NAXD: variants seen among roughly 807,000 people sequenced by gnomAD.
NAXD encodes NAD(P)HX dehydratase.
In NAXD, 22 loss-of-function variants were observed where a neutral mutation model predicts 35.8. The observed-to-expected ratio is 0.62, with a 90% confidence interval of 0.44 to 0.88. NAXD has a LOEUF of 0.88. NAXD is among the 40% of genes least tolerant of loss of function. The pLI is 0.00. For missense variants in NAXD, 428 were observed against 437.7 expected (o/e 0.98, Z 0.20); for synonymous variants, 189 against 177.6 (o/e 1.06, Z -0.51).
intron 1 of NAXD, 124 bp downstream of exon 1, chr13:110,615,771 G>T: frequency 7.2e-7 from 1 of 1,396,238 alleles, no homozygotes; most frequent in Non-Finnish European, 9.3e-7. Context: ...GCCACTGGAC[G>T]CAGGTACCCG....
intron 4 of NAXD, 107 bp from the exon 5 acceptor site, chr13:110,627,332 A>G (rs1171900973): frequency 1.7e-5 from 12 of 704,254 alleles, no homozygotes; most frequent in Non-Finnish European, 2.6e-5. Flanking sequence ...TTTAAAAGTC[A>G]TTACTATTTA....
At chr13:110,636,985 G>A (rs563465580) in intron 8 of NAXD, 144 bp from the exon 9 acceptor site, 10 of 900,356 alleles carry the variant, frequency 1.1e-5, no homozygotes, top group African/African-American at 5.2e-5. Context: ...GGGAAGAGCC[G>A]TAGCAGGCAG....
chr13:110,631,378 T>C (rs948000595), intron 5 of NAXD, among the ~76,000 whole-genome samples: 1 of 152,204 alleles, frequency 6.6e-6, no homozygotes, highest in African/African-American at 2.4e-5. Flanking sequence ...TTGTGCACTC[T>C]TTTGGGTGAA....
Position 110,638,849 on chromosome 13 carries a change from C to T in NAXD, c.*321C>T, listed in dbSNP as rs894268315. 6.6e-6 allele frequency: 3 copies of T among 457,114 alleles called. No individual in the cohort carries two copies. Among genetic ancestry groups the T allele is most frequent in the African/African-American group, 4.0e-5 (2 of 50,380 alleles). 28.3% of individuals were successfully genotyped at this position (457,114 alleles called of 1,614,324 possible). Reference sequence around the variant, plus strand: ...ATTCTTTAGCAGCTCAACAGAGTTTCTCGGCCTGCTCCCAGATCGGCGAAG... The same window carrying T: ...ATTCTTTAGCAGCTCAACAGAGTTTTTCGGCCTGCTCCCAGATCGGCGAAG... On this transcript the variant is annotated 3_prime_UTR_variant, in exon 10 of 10. Coordinates refer to ENST00000680254, the MANE Select transcript of NAXD (RefSeq NM_001242882.2). The surrounding 1 kb of genome is among the most constrained non-coding windows in gnomAD (Gnocchi z 5.4).
At position 110,627,457 on chromosome 13, in the gene NAXD, T is replaced by G. The variant is rs1325199052; in HGVS notation, c.351T>G (p.Val117=). The G allele has an allele frequency of 6.2e-7, 1 of 1,614,010 alleles. No homozygotes were observed. The highest frequency in any genetic ancestry group is 1.7e-5 in the Admixed American group (1 of 60,020). Residue 117 remains valine (V), a synonymous_variant, in exon 5 of 10, where the codon GTT becomes GTG. Transcript: ENST00000680254. ...VHPVLDSPNA[V]HEVEKWLPRL... Reference sequence around the variant, plus strand: ...TCTTTAGTGACAGCCCCAATGCTGTTCATGAGGTGGAGAAGTGGCTGCCCC... The same window carrying G: ...TCTTTAGTGACAGCCCCAATGCTGTGCATGAGGTGGAGAAGTGGCTGCCCC...
At chr13:110,621,109 C>T (rs1886246563) in intron 1 of NAXD, among the ~76,000 whole-genome samples, 1 of 152,040 alleles carries the variant, frequency 6.6e-6, no homozygotes, top group African/African-American at 2.4e-5. Flanking sequence ...AAGAGGTGTG[C>T]CATATTTAGA....
chr13:110,627,981 C>G (rs1566617872), intron 5 of NAXD, among the ~76,000 whole-genome samples: 1 of 152,208 alleles, frequency 6.6e-6, no homozygotes, highest in African/African-American at 2.4e-5. Flanking sequence ...TGACATCAGG[C>G]TGTGAGGTGA....
At position 110,631,759 on chromosome 13, in the gene NAXD, G is replaced by A. The variant is rs529314689; in HGVS notation, c.442-2786G>A. On this transcript the variant is annotated intron_variant, in intron 5 of 9. Transcript: ENST00000680254. Reference sequence around the variant, plus strand: ...ACAAAGAATTTTTATTGTTAATAAAGGGAATAATAAACTTCCATGAAGTCT... The same window carrying A: ...ACAAAGAATTTTTATTGTTAATAAAAGGAATAATAAACTTCCATGAAGTCT... Among the ~76,000 whole-genome samples, 5 of 152,270 alleles carry A rather than the reference G, an allele frequency of 3.3e-5. No individual in the cohort carries two copies. The South Asian group carries it at 1.0e-3, about 32-fold the overall frequency.
At chr13:110,626,772 G>A (rs1035258845) in intron 4 of NAXD, among the ~76,000 whole-genome samples, 1 of 152,212 alleles carries the variant, frequency 6.6e-6, no homozygotes, top group Non-Finnish European at 1.5e-5. Context: ...AGCTTGTCGG[G>A]GAGGAAAGGG....
In NAXD at chr13:110,628,681, C is replaced by T. The variant is rs1018042240; in HGVS notation, c.441+1134C>T. Reference sequence around the variant, plus strand: ...CCCGTCTTTGAGCTTTAAGGTCTTACCCGCTCACCGGGAAGGAGGAGGTGG... The same window carrying T: ...CCCGTCTTTGAGCTTTAAGGTCTTATCCGCTCACCGGGAAGGAGGAGGTGG... On this transcript the variant is annotated intron_variant, in intron 5 of 9. Coordinates refer to ENST00000680254, the MANE Select transcript of NAXD (RefSeq NM_001242882.2). The surrounding 1 kb of genome is among the most constrained non-coding windows in gnomAD (Gnocchi z 4.1). Among the ~76,000 whole-genome samples, 2 of 152,046 alleles carry T rather than the reference C, an allele frequency of 1.3e-5. No individual in the cohort carries two copies. Among genetic ancestry groups the T allele is most frequent in the African/African-American group, 4.8e-5 (2 of 41,404 alleles).
intron 3 of NAXD, 100 bp downstream of exon 3, chr13:110,624,379 A>T (rs1886380395): frequency 1.3e-6 from 1 of 788,180 alleles, no homozygotes; most frequent in Admixed American, 2.0e-5. Context: ...AATCTAAATA[A>T]TATCTTAGGG....
intron 1 of NAXD, 119 bp from the exon 2 acceptor site, chr13:110,622,097 T>C (rs951888522): frequency 1.3e-5 from 10 of 799,648 alleles, no homozygotes; most frequent in African/African-American, 1.1e-4. Flanking sequence ...CAGAAATCCA[T>C]TGGGTAAAAA....
intron 3 of NAXD, among the ~76,000 whole-genome samples, chr13:110,624,547 C>T (rs949457158): frequency 4.6e-5 from 7 of 152,194 alleles, no homozygotes; most frequent in African/African-American, 7.2e-5. Context: ...CAACCTCCGC[C>T]GCCTGGGTTC....
chr13:110,631,380 T>G (rs1886689807), intron 5 of NAXD, among the ~76,000 whole-genome samples: 1 of 152,192 alleles, frequency 6.6e-6, no homozygotes. Flanking sequence ...GTGCACTCTT[T>G]TGGGTGAAGT....
intron 7 of NAXD, 111 bp from the exon 8 acceptor site, chr13:110,635,357 G>A (rs956290204): frequency 1.4e-5 from 18 of 1,303,636 alleles, no homozygotes; most frequent in African/African-American, 2.9e-5. Flanking sequence ...GTGCCTGGGT[G>A]ATCCCTTTAG....
intron 4 of NAXD, among the ~76,000 whole-genome samples, chr13:110,625,721 A>G (rs1886448086): frequency 1.3e-5 from 2 of 152,198 alleles, no homozygotes; most frequent in Non-Finnish European, 2.9e-5. Flanking sequence ...CGCCTATGCT[A>G]TAGAGCTTGC....
chr13:110,629,504 A>G (rs963615076), intron 5 of NAXD, among the ~76,000 whole-genome samples: 7 of 152,156 alleles, frequency 4.6e-5, no homozygotes, highest in Non-Finnish European at 7.4e-5. Flanking sequence ...CCACTCAGCT[A>G]GTATGCTTTC....
intron 1 of NAXD, chr13:110,616,311 A>T (rs1886052762): frequency 6.5e-6 from 1 of 153,394 alleles, no homozygotes; most frequent in African/African-American, 2.4e-5. Context: ...CGACTGGGCA[A>T]GTACAGACCC....
At chr13:110,617,584 G>A (rs1452794409) in intron 1 of NAXD, among the ~76,000 whole-genome samples, 1 of 152,192 alleles carries the variant, frequency 6.6e-6, no homozygotes, top group African/African-American at 2.4e-5. Context: ...GTTTATCTTA[G>A]GTGAATGCTG....
Sources: allele counts gnomAD v4.1 joint callset (sites outside exome capture counted in the v4.1 genomes callset), GRCh38; gene constraint gnomAD v4.1.1; non-coding constraint Gnocchi (gnomAD v3.1); transcripts MANE v1.5; gene names NCBI Gene and HGNC (gene_info 2026-07-23, HGNC 2026-07-21).